Variants in SH3RF3 observed in about 807,000 individuals in gnomAD.
SH3RF3 encodes SH3 domain containing ring finger 3.
In SH3RF3, 29 loss-of-function variants were observed where a neutral mutation model predicts 66.3. The ratio of observed to expected loss-of-function variants is 0.44; its 90% CI spans 0.33 to 0.60. The LOEUF is 0.60. SH3RF3 is among the 20% of genes least tolerant of loss of function. The pLI, the probability that SH3RF3 is intolerant of heterozygous loss-of-function variation, is 0.04. For missense variants in SH3RF3, 1,194 were observed against 1,190.9 expected (o/e 1.00, Z -0.04); for synonymous variants, 583 against 532.0 (o/e 1.10, Z -1.32).
At chr2:109,474,986 T>G (rs1411378367) in intron 8 of SH3RF3, among the ~76,000 whole-genome samples, 1 of 151,842 alleles carries the variant, frequency 6.6e-6, no homozygotes, top group African/African-American at 2.4e-5. Context: ...TGTTTGTTTG[T>G]TTGTTTTTTT....
At chr2:109,262,418 G>T (rs914223072) in intron 1 of SH3RF3, among the ~76,000 whole-genome samples, 6 of 152,174 alleles carry the variant, frequency 3.9e-5, no homozygotes, top group African/African-American at 1.4e-4. Context: ...TGCTTTCGAT[G>T]CCCTGGGAAC....
At chr2:109,428,301 C>G (rs577171300) in intron 5 of SH3RF3, among the ~76,000 whole-genome samples, 1 of 152,270 alleles carries the variant, frequency 6.6e-6, no homozygotes, top group African/African-American at 2.4e-5. Flanking sequence ...TTGGTTTACT[C>G]TGATTAGAGC....
chr2:109,490,029 T>C (rs903827886), intron 8 of SH3RF3, among the ~76,000 whole-genome samples: 4 of 152,190 alleles, frequency 2.6e-5, no homozygotes, highest in South Asian at 2.1e-4. Flanking sequence ...TGAGCCACCG[T>C]GCCCAGCCTG....
Position 109,161,969 on chromosome 2 carries a change from T to A in SH3RF3, c.573+31856T>A, listed in dbSNP as rs4676250. 6.7e-3 allele frequency among the ~76,000 whole-genome samples: 1,012 copies of A among 151,948 alleles called. 12 individuals carry two copies. Among genetic ancestry groups the A allele is most frequent in the African/African-American group, 0.023 (948 of 41,396 alleles). On this transcript the variant is annotated intron_variant, in intron 1 of 9. Transcript: ENST00000309415. ...GGTTGGGGGCTGTGTATCTTATATGTCGCAGGTGTCTAAAGCGTAGATGGT... is the reference window on the plus strand; with the variant it reads ...GGTTGGGGGCTGTGTATCTTATATGACGCAGGTGTCTAAAGCGTAGATGGT...
At chr2:109,454,826 A>C (rs1211410299) in intron 8 of SH3RF3, among the ~76,000 whole-genome samples, 2 of 152,088 alleles carry the variant, frequency 1.3e-5, no homozygotes, top group Non-Finnish European at 2.9e-5. Context: ...AGCCCATAGA[A>C]GGCACCTGGT....
chr2:109,250,327 TA>T (rs1680056418), intron 1 of SH3RF3, among the ~76,000 whole-genome samples: 1 of 152,148 alleles, frequency 6.6e-6, no homozygotes, highest in Admixed American at 6.5e-5. Context: ...TGGGGGTTTC[TA>T]AACATGCACA....
Position 109,311,299 on chromosome 2 carries a change from A to C in SH3RF3, c.574-36375A>C, listed in dbSNP as rs555724567. Among the ~76,000 whole-genome samples the C allele has an allele frequency of 4.8e-5, 4 of 82,542 alleles. No individual in the cohort carries two copies. In the South Asian group the frequency reaches 1.9e-3, roughly 40 times the overall value. 54.2% of individuals were successfully genotyped at this position (82,542 alleles called of 152,430 possible). A position where few individuals can be genotyped will look rare whatever the true frequency, so the allele number is the denominator to read the frequency against. On this transcript the variant is annotated intron_variant, in intron 1 of 9. Coordinates refer to ENST00000309415, the MANE Select transcript of SH3RF3 (RefSeq NM_001099289.3). ...CTTTGACAAAATTCAACAACCCTTC[A>C]TGCTAAAAACTCTCAATAAATTAGG...
intron 7 of SH3RF3, among the ~76,000 whole-genome samples, chr2:109,442,504 G>A (rs576872414): frequency 2.7e-4 from 41 of 152,212 alleles, no homozygotes; most frequent in African/African-American, 4.6e-4. Context: ...ATAATTGACT[G>A]TTTAAACAAA....
chr2:109,130,632 T>C (rs1297523909), intron 1 of SH3RF3, among the ~76,000 whole-genome samples: 1 of 152,096 alleles, frequency 6.6e-6, no homozygotes, highest in East Asian at 1.9e-4. Flanking sequence ...CTTCTAGTAG[T>C]CTGGAAGGAG....
intron 1 of SH3RF3, among the ~76,000 whole-genome samples, chr2:109,246,291 G>A (rs1461388515): frequency 6.6e-6 from 1 of 152,198 alleles, no homozygotes; most frequent in Non-Finnish European, 1.5e-5. Flanking sequence ...TGGCAGATTC[G>A]ATGTCTGGTA....
intron 8 of SH3RF3, among the ~76,000 whole-genome samples, chr2:109,454,432 C>T (rs1362674722): frequency 1.3e-5 from 2 of 152,188 alleles, no homozygotes; most frequent in Non-Finnish European, 2.9e-5. Context: ...AAGGCTTGAG[C>T]ACAGGCCATG....
intron 1 of SH3RF3, among the ~76,000 whole-genome samples, chr2:109,201,442 C>T (rs773760395): frequency 7.9e-5 from 12 of 152,142 alleles, no homozygotes; most frequent in African/African-American, 2.9e-4. Flanking sequence ...GTATCTCAGC[C>T]GCCACAGGCC....
At chr2:109,335,187 C>G (rs1023601230) in intron 1 of SH3RF3, among the ~76,000 whole-genome samples, 4 of 152,254 alleles carry the variant, frequency 2.6e-5, no homozygotes, top group African/African-American at 9.6e-5. Context: ...TGCGCCTGAT[C>G]TAGAGTTCCG....
intron 6 of SH3RF3, 99 bp downstream of exon 6, chr2:109,432,770 C>T (rs948324783): frequency 2.3e-5 from 33 of 1,448,144 alleles, no homozygotes; most frequent in Non-Finnish European, 2.9e-5. Context: ...CAGCCGGGCC[C>T]AGAAGGCAGC....
At chr2:109,268,738 AT>A (rs1420734032) in intron 1 of SH3RF3, among the ~76,000 whole-genome samples, 1 of 89,546 alleles carries the variant, frequency 1.1e-5, no homozygotes, top group East Asian at 6.2e-4. Context: ...TTAATACTTT[AT>A]TATAAAAAAA....
At chr2:109,364,864 G>A (rs1160178901) in intron 2 of SH3RF3, among the ~76,000 whole-genome samples, 2 of 152,054 alleles carry the variant, frequency 1.3e-5, no homozygotes, top group Non-Finnish European at 2.9e-5. Context: ...GCCAGTGCAG[G>A]CAGATTACTT....
intron 4 of SH3RF3, among the ~76,000 whole-genome samples, chr2:109,417,046 GA>G (rs1396081982): frequency 6.6e-6 from 1 of 152,166 alleles, no homozygotes; most frequent in Admixed American, 6.6e-5. Context: ...TCAGTGTGTC[GA>G]GCCTGTTGTC....
intron 1 of SH3RF3, among the ~76,000 whole-genome samples, chr2:109,216,063 G>C (rs1276134110): frequency 6.6e-6 from 1 of 152,178 alleles, no homozygotes; most frequent in Non-Finnish European, 1.5e-5. Context: ...AGACAGCCAA[G>C]CAGTCAGTCT....
chr2:109,249,588 C>CCTTCTTTTCTTTCTTTCTTTCTTTT (rs1680031809), intron 1 of SH3RF3, among the ~76,000 whole-genome samples: 1 of 134,584 alleles, frequency 7.4e-6, no homozygotes, highest in African/African-American at 3.0e-5. Flanking sequence ...TCCTTCCTTT[C>CCTTCTTTTCTTTCTTTCTTTCTTTT]CTTTCTTTCT....
Sources: gnomAD v4.1 joint callset for allele counts (sites outside exome capture counted in the v4.1 genomes callset) on GRCh38, gnomAD v4.1.1 for gene constraint, MANE v1.5 for transcripts, NCBI Gene and HGNC (gene_info 2026-07-23, HGNC 2026-07-21) for gene names.